ASCL2: variants seen among roughly 807,000 people sequenced by gnomAD.
ASCL2 encodes achaete-scute family bHLH transcription factor 2, also known as achaete-scute homolog 2.
A neutral mutation model predicts 5.1 loss-of-function variants in ASCL2; 6 were observed. The observed-to-expected ratio is 1.17, with a 90% CI of 0.64 to 2.31. ASCL2 has a LOEUF of 2.31. Among genes scored for constraint, ASCL2 ranks in the 30% most tolerant of loss-of-function variants. ASCL2 has a pLI of 0.00. For synonymous variants in ASCL2, 174 were observed against 157.3 expected (o/e 1.11, Z -0.80); for missense variants, 320 against 310.3 (o/e 1.03, Z -0.23).
chr11:2,270,030 CGCGCGGATGT>C lies in ASCL2; in HGVS notation c.293_302del (p.Tyr98CysfsTer20). ...CGTGCTCGGCCAGCAGGCGCTGCAG[CGCGCGGATGT>C]ACTCCACGGCTGAGCGCAGCGTCTC... is the stretch of plus-strand genomic sequence containing the variant. On this transcript the variant is annotated frameshift_variant, in exon 1 of 2. Transcript: ENST00000331289. LOFTEE classifies it high-confidence loss of function. The C allele has an allele frequency of 7.0e-7, 1 of 1,418,700 alleles. No individual in the cohort carries two copies. Among genetic ancestry groups the C allele is most frequent in the Admixed American group, 2.9e-5 (1 of 34,326 alleles). 87.9% of individuals were successfully genotyped at this position (1,418,700 alleles called of 1,614,324 possible). A position where few individuals can be genotyped will look rare whatever the true frequency, so the allele number is the denominator to read the frequency against.
At chr11:2,269,655 G>A (rs1847225122) in intron 1 of ASCL2, 78 bp downstream of exon 1, 19 of 1,231,592 alleles carry the variant, frequency 1.5e-5, no homozygotes, top group Non-Finnish European at 1.9e-5. Context: ...TCCTGGGGGC[G>A]CGACCCGCCG....
Position 2,270,284 on chromosome 11 carries a change from G to T in ASCL2, c.49C>A (p.Pro17Thr). The change falls in exon 1 of 2, where the codon CCT becomes ACT. Residue 17 changes from proline to threonine, a missense_variant. Physicochemically the swap from Pro to Thr is conservative, Grantham distance 38. Coordinates refer to ENST00000331289, the MANE Select transcript of ASCL2 (RefSeq NM_005170.3). ...PRSAPPAPPV[P>T]VGCAARRRPA... ...CTCCGCCGGGCAGCGCAGCCGACAG[G>T]GACGGGGGGCGCAGGGGGCGCGGAC... 1.5e-6 allele frequency: 2 copies of T among 1,343,960 alleles called. No individual in the cohort carries two copies. The allele number at this position is 1,343,960 out of a possible 1,614,324, so 83.3% of individuals were successfully genotyped here.
At chr11:2,269,599 G>A in intron 1 of ASCL2, 134 bp downstream of exon 1, 1 of 773,762 alleles carries the variant, frequency 1.3e-6, no homozygotes, top group East Asian at 3.4e-5. Flanking sequence ...TGAAGAGTGA[G>A]CGAAATCGAA....
Position 2,269,755 on chromosome 11 carries a change from T to A in ASCL2, c.578A>T (p.Tyr193Phe). 7.0e-7 allele frequency: 1 copy of A among 1,419,448 alleles called. No individual in the cohort carries two copies. 87.9% of individuals were successfully genotyped at this position (1,419,448 alleles called of 1,614,324 possible). The stretch of plus-strand genomic sequence containing the variant: ...TACCTCATAGGTCGAGGGCGCTCAG[T>A]AGCCCCCTAACCAGCTGGAGAAGTC... ...LLDFSSWLGG[Y>F] is the part of the protein sequence containing the mutation. Residue 193 changes from tyrosine (Y) to phenylalanine (F), a missense_variant, in exon 1 of 2, where the codon TAC becomes TTC. Tyr to Phe is a conservative substitution (Grantham distance 22, BLOSUM62 3). Transcript: ENST00000331289.
In ASCL2 at chr11:2,268,967, G is replaced by A. The variant is rs1000798370; in HGVS notation, c.*178C>T. On this transcript the variant is annotated 3_prime_UTR_variant, in exon 2 of 2. Coordinates refer to ENST00000331289, the MANE Select transcript of ASCL2 (RefSeq NM_005170.3). This position sits in a 1 kb window ranked among gnomAD's most constrained non-coding sequence, Gnocchi z 4.5. The stretch of plus-strand genomic sequence containing the variant: ...CCAGCTCCAAGCCCGTTTCCACCGC[G>A]GCATTGGTCAGGCTGGGCCGGACGA... 9 of 150,640 alleles carry A rather than the reference G, an allele frequency of 6.0e-5. No homozygotes were observed. Among genetic ancestry groups the A allele is most frequent in the African/African-American group, 2.0e-4 (8 of 41,024 alleles). The allele number at this position is 150,640 out of a possible 1,614,324, so 9.3% of individuals were successfully genotyped here.
At chr11:2,269,466 G>A (rs1847222922) in intron 1 of ASCL2, among the ~76,000 whole-genome samples, 1 of 152,154 alleles carries the variant, frequency 6.6e-6, no homozygotes, top group Non-Finnish European at 1.5e-5. Flanking sequence ...TCAACGGCCC[G>A]ACGGCCGCTC....
rs1380891356 is a variant in ASCL2 at position 2,270,085 on chromosome 11, C to G, written c.248G>C (p.Ser83Thr). The G allele has an allele frequency of 9.3e-6, 14 of 1,497,694 alleles. No individual in the cohort carries two copies. The highest frequency in any genetic ancestry group is 1.2e-5 in the Non-Finnish European group (14 of 1,127,732). The allele number at this position is 1,497,694 out of a possible 1,614,324, so 92.8% of individuals were successfully genotyped here. A position where few individuals can be genotyped will look rare whatever the true frequency, so the allele number is the denominator to read the frequency against. ...LRQHVPHGGA[S>T]KKLSKVETLR... is the part of the protein sequence containing the mutation. ...CGTCTCCACCTTGCTCAGCTTCTTG[C>G]TGGCGCCGCCGTGCGGCACGTGCTG... is the stretch of plus-strand genomic sequence containing the variant. The change falls in exon 1 of 2, where the codon AGC (serine) becomes ACC (threonine). Residue 83 changes from serine to threonine, a missense_variant. Physicochemically the swap from Ser to Thr is moderately conservative, Grantham distance 58. Coordinates refer to ENST00000331289, the MANE Select transcript of ASCL2 (RefSeq NM_005170.3).
intron 1 of ASCL2, 62 bp downstream of exon 1, chr11:2,269,671 G>T: frequency 1.9e-6 from 2 of 1,042,588 alleles, no homozygotes; most frequent in South Asian, 3.0e-5. Context: ...CGCCGGGCCT[G>T]CCCACCCCGT....
At chr11:2,269,666 G>A in intron 1 of ASCL2, 67 bp downstream of exon 1, 1 of 1,254,362 alleles carries the variant, frequency 8.0e-7, no homozygotes, top group Non-Finnish European at 1.0e-6. Context: ...CGACCCGCCG[G>A]GCCTGCCCAC....
rs1335289479 is a variant in ASCL2 at position 2,269,857 on chromosome 11, C to T, written c.476G>A (p.Gly159Asp). The change falls in exon 1 of 2, where the codon GGC (glycine) becomes GAC (aspartate). Residue 159 changes from glycine (G) to aspartate (D), a missense_variant. Physicochemically the swap from Gly to Asp is moderately conservative, Grantham distance 94. Coordinates refer to ENST00000331289, the MANE Select transcript of ASCL2 (RefSeq NM_005170.3). ...SPGRGGSSEPGSPRSAYSSDD... is the reference protein window; with the variant it reads ...SPGRGGSSEPDSPRSAYSSDD... ...CGACGAGTAGGCGGAACGCGGGGAG[C>T]CGGGCTCCGAGCTGCCCCCGCGGCC... is the stretch of plus-strand genomic sequence containing the variant. 2 of 1,371,080 alleles carry T rather than the reference C, an allele frequency of 1.5e-6. No individual in the cohort carries two copies. The highest frequency in any genetic ancestry group is 3.5e-5 in the Admixed American group (1 of 28,356). The allele number at this position is 1,371,080 out of a possible 1,614,324, so 84.9% of individuals were successfully genotyped here. A position where few individuals can be genotyped will look rare whatever the true frequency, so the allele number is the denominator to read the frequency against.
At position 2,270,090 on chromosome 11, in the gene ASCL2, G is replaced by A; in HGVS notation, c.243C>T (p.Gly81=). The A allele has an allele frequency of 6.7e-7, 1 of 1,499,782 alleles. No individual in the cohort carries two copies. Among genetic ancestry groups the A allele is most frequent in the African/African-American group, 1.4e-5 (1 of 69,246 alleles). 92.9% of individuals were successfully genotyped at this position (1,499,782 alleles called of 1,614,324 possible). A position where few individuals can be genotyped will look rare whatever the true frequency, so the allele number is the denominator to read the frequency against. The change falls in exon 1 of 2, where the codon GGC becomes GGT. Residue 81 remains glycine, a synonymous_variant. Transcript: ENST00000331289. The part of the protein sequence containing the change: ...QALRQHVPHG[G]ASKKLSKVET... The stretch of plus-strand genomic sequence containing the variant: ...CCACCTTGCTCAGCTTCTTGCTGGC[G>A]CCGCCGTGCGGCACGTGCTGCCGCA...
At position 2,270,064 on chromosome 11, in the gene ASCL2, T is replaced by A; in HGVS notation, c.269A>T (p.Glu90Val). The A allele has an allele frequency of 6.7e-7, 1 of 1,486,960 alleles. No individual in the cohort carries two copies. Among genetic ancestry groups the A allele is most frequent in the South Asian group, 1.3e-5 (1 of 78,882 alleles). The allele number at this position is 1,486,960 out of a possible 1,614,324, so 92.1% of individuals were successfully genotyped here. A position where few individuals can be genotyped will look rare whatever the true frequency, so the allele number is the denominator to read the frequency against. ...GTACTCCACGGCTGAGCGCAGCGTC[T>A]CCACCTTGCTCAGCTTCTTGCTGGC... The part of the protein sequence containing the change: ...GGASKKLSKV[E>V]TLRSAVEYIR... Residue 90 changes from glutamate (E) to valine (V), a missense_variant, in exon 1 of 2, where the codon GAG becomes GTG. Glu to Val is a moderately radical substitution (Grantham distance 121). Transcript: ENST00000331289.
At position 2,270,199 on chromosome 11, in the gene ASCL2, G is replaced by A. The variant is rs759581492; in HGVS notation, c.134C>T (p.Thr45Ile). ...SRRRRPATAE[T>I]GGGAAAVARR... is the part of the protein sequence containing the mutation. The stretch of plus-strand genomic sequence containing the variant: ...CGCTACGGCCGCTGCGCCGCCTCCG[G>A]TCTCTGCGGTGGCCGGTCGCCGCCG... Residue 45 changes from threonine (T) to isoleucine (I), a missense_variant, in exon 1 of 2, where the codon ACC (threonine) becomes ATC (isoleucine). Coordinates refer to ENST00000331289, the MANE Select transcript of ASCL2 (RefSeq NM_005170.3). 2.4e-4 allele frequency: 354 copies of A among 1,484,034 alleles called. No individual in the cohort carries two copies. Among genetic ancestry groups the A allele is most frequent in the Non-Finnish European group, 3.1e-4 (344 of 1,124,530 alleles). 91.9% of individuals were successfully genotyped at this position (1,484,034 alleles called of 1,614,324 possible).
rs902480798 is a variant in ASCL2, at chr11:2,270,268, G to A, written c.65C>T (p.Ala22Val). ...PAPPVPVGCA[A>V]RRRPASPELL... ...TTCCGGGGACGCGGGTCTCCGCCGG[G>A]CAGCGCAGCCGACAGGGACGGGGGG... Residue 22 changes from alanine (A) to valine (V), a missense_variant, in exon 1 of 2, where the codon GCC (alanine) becomes GTC (valine). Transcript: ENST00000331289. 282 of 1,371,676 alleles carry A rather than the reference G, an allele frequency of 2.1e-4. No homozygotes were observed. The highest frequency in any genetic ancestry group is 2.6e-4 in the Non-Finnish European group (275 of 1,069,992). 85.0% of individuals were successfully genotyped at this position (1,371,676 alleles called of 1,614,324 possible).
intron 1 of ASCL2, 52 bp from the exon 2 acceptor site, chr11:2,269,178 G>T (rs1288170780): frequency 6.6e-6 from 1 of 152,008 alleles, no homozygotes; most frequent in Non-Finnish European, 1.5e-5. Context: ...GCGCGGGCCC[G>T]GGGCAGACCC....
Position 2,270,188 on chromosome 11 carries a change from C to A in ASCL2, c.145G>T (p.Ala49Ser). ...TCATTGCGCCGCGCTACGGCCGCTG[C>A]GCCGCCTCCGGTCTCTGCGGTGGCC... is the stretch of plus-strand genomic sequence containing the variant. ...RPATAETGGG[A>S]AAVARRNERE... Residue 49 changes from alanine to serine, a missense_variant, in exon 1 of 2, where the codon GCA becomes TCA. Physicochemically the swap from Ala to Ser is moderately conservative, Grantham distance 99 (BLOSUM62 1). Coordinates refer to ENST00000331289, the MANE Select transcript of ASCL2 (RefSeq NM_005170.3). The A allele has an allele frequency of 1.3e-6, 2 of 1,497,442 alleles. No individual in the cohort carries two copies. The highest frequency in any genetic ancestry group is 1.8e-6 in the Non-Finnish European group (2 of 1,130,730). The allele number at this position is 1,497,442 out of a possible 1,614,324, so 92.8% of individuals were successfully genotyped here.
In ASCL2 at chr11:2,270,148, C is replaced by A. The variant is rs866079637; in HGVS notation, c.185G>T (p.Arg62Leu). 1 of 1,527,374 alleles carries A rather than the reference C, an allele frequency of 6.5e-7. No homozygotes were observed. Among genetic ancestry groups the A allele is most frequent in the Non-Finnish European group, 8.7e-7 (1 of 1,145,006 alleles). The allele number at this position is 1,527,374 out of a possible 1,614,324, so 94.6% of individuals were successfully genotyped here. A position where few individuals can be genotyped will look rare whatever the true frequency, so the allele number is the denominator to read the frequency against. Residue 62 changes from arginine to leucine, a missense_variant, in exon 1 of 2, where the codon CGC (arginine) becomes CTC (leucine). Physicochemically the swap from Arg to Leu is moderately radical, Grantham distance 102 (BLOSUM62 -2). Coordinates refer to ENST00000331289, the MANE Select transcript of ASCL2 (RefSeq NM_005170.3). ...VARRNERERN[R>L]VKLVNLGFQA... ...GAAGCCCAAGTTCACCAGCTTCACG[C>A]GGTTGCGCTCGCGCTCATTGCGCCG...
Position 2,269,806 on chromosome 11 carries a change from AGC to A in ASCL2, c.525_526del (p.Leu176GlufsTer24). 2 of 1,434,528 alleles carry A rather than the reference AGC, an allele frequency of 1.4e-6. No individual in the cohort carries two copies. The highest frequency in any genetic ancestry group is 1.8e-6 in the Non-Finnish European group (2 of 1,087,430). 88.9% of individuals were successfully genotyped at this position (1,434,528 alleles called of 1,614,324 possible). A position where few individuals can be genotyped will look rare whatever the true frequency, so the allele number is the denominator to read the frequency against. On this transcript the variant is annotated frameshift_variant, in exon 1 of 2. Coordinates refer to ENST00000331289, the MANE Select transcript of ASCL2 (RefSeq NM_005170.3). LOFTEE classifies it low-confidence loss of function (END_TRUNC). The stretch of plus-strand genomic sequence containing the variant: ...GAGTAGCTCGCGCTCCGCAGGACTC[AGC>A]GCGCCTTCGCAGCCGCTGTCGTCCG...
In ASCL2 at chr11:2,270,095, C is replaced by G; in HGVS notation, c.238G>C (p.Gly80Arg). 6.6e-7 allele frequency: 1 copy of G among 1,504,222 alleles called. No homozygotes were observed. The highest frequency in any genetic ancestry group is 8.8e-7 in the Non-Finnish European group (1 of 1,131,394). The allele number at this position is 1,504,222 out of a possible 1,614,324, so 93.2% of individuals were successfully genotyped here. Reference protein sequence around the residue: ...FQALRQHVPHGGASKKLSKVE... With the variant: ...FQALRQHVPHRGASKKLSKVE... ...TTGCTCAGCTTCTTGCTGGCGCCGC[C>G]GTGCGGCACGTGCTGCCGCAGCGCC... The change falls in exon 1 of 2, where the codon GGC becomes CGC. Residue 80 changes from glycine (G) to arginine (R), a missense_variant. Physicochemically the swap from Gly to Arg is moderately radical, Grantham distance 125. Coordinates refer to ENST00000331289, the MANE Select transcript of ASCL2 (RefSeq NM_005170.3).
Sources: allele counts gnomAD v4.1 joint callset (sites outside exome capture counted in the v4.1 genomes callset), GRCh38; gene constraint gnomAD v4.1.1; non-coding constraint Gnocchi (gnomAD v3.1); transcripts MANE v1.5; gene names NCBI Gene and HGNC (gene_info 2026-07-23, HGNC 2026-07-21).